The following ABCB11 variants were observed in gnomAD, a reference collection of about 807,000 sequenced individuals.
ABCB11 encodes the protein bile salt export pump.
A neutral mutation model predicts 148.0 loss-of-function variants in ABCB11; 95 were observed. The ratio of observed to expected loss-of-function variants is 0.64; its 90% CI spans 0.54 to 0.76. The LOEUF is 0.76. Ranked by LOEUF, ABCB11 falls within the 30% of genes least tolerant of loss-of-function variation. The pLI is 0.00. For synonymous variants in ABCB11, 591 were observed against 555.4 expected, an observed-to-expected ratio of 1.06 and a Z score of -0.90; for missense variants, 1,523 against 1,617.8, an observed-to-expected ratio of 0.94 and a Z score of 1.01.
chr2:168,960,627 C>G (rs1030465072), intron 18 of ABCB11, among the ~76,000 whole-genome samples: 3 of 151,464 alleles, frequency 2.0e-5, no homozygotes, highest in African/African-American at 7.3e-5. Context: ...TCTTTGGTTC[C>G]TCTATACTAA....
Position 169,030,173 on chromosome 2 carries a change from T to A in ABCB11, c.-28+1052A>T, listed in dbSNP as rs149455775. ...ATTTTCCCCCTAAATAGCTTCTTAA[T>A]CCATTTTTAGGAGTCATCCCCTAAT... On this transcript the variant is annotated intron_variant, in intron 1 of 27. Transcript: ENST00000650372. Among the ~76,000 whole-genome samples, 237 of 152,294 alleles carry A rather than the reference T, an allele frequency of 1.6e-3. 5 individuals are homozygous for A. The East Asian group carries it at 0.04, about 26-fold the overall frequency.
At chr2:168,951,741 T>C (rs1310886351) in intron 19 of ABCB11, among the ~76,000 whole-genome samples, 1 of 151,620 alleles carries the variant, frequency 6.6e-6, no homozygotes, top group East Asian at 1.9e-4. Flanking sequence ...CCTTTTATTT[T>C]TTTTCTCTTG....
At position 168,958,141 on chromosome 2, in the gene ABCB11, G is replaced by A. The variant is rs765145609; in HGVS notation, c.2179-13C>T. 1.9e-6 allele frequency: 3 copies of A among 1,609,546 alleles called. No individual in the cohort carries two copies. Among genetic ancestry groups the A allele is most frequent in the East Asian group, 2.2e-5 (1 of 44,714 alleles). Reference sequence around the variant, plus strand: ...GAATGTCCTTGTCCTTGAGCAGAGAGAGGGTTATATTAATCATCTAAATGT... The same window carrying A: ...GAATGTCCTTGTCCTTGAGCAGAGAAAGGGTTATATTAATCATCTAAATGT... On this transcript the variant is annotated splice_polypyrimidine_tract_variant and intron_variant, in intron 18 of 27. Coordinates refer to ENST00000650372, the MANE Select transcript of ABCB11 (RefSeq NM_003742.4).
intron 10 of ABCB11, among the ~76,000 whole-genome samples, chr2:168,982,622 T>C (rs1420981625): frequency 6.6e-6 from 1 of 152,064 alleles, no homozygotes; most frequent in Non-Finnish European, 1.5e-5. Context: ...TATGCCCAAT[T>C]ACCATGCAGC....
At chr2:168,980,363 A>G (rs973683789) in intron 10 of ABCB11, among the ~76,000 whole-genome samples, 2 of 152,110 alleles carry the variant, frequency 1.3e-5, no homozygotes, top group African/African-American at 4.8e-5. Flanking sequence ...AGGGTTGCCA[A>G]AAACAATACA....
At chr2:168,955,770 G>C (rs1270796317) in intron 19 of ABCB11, among the ~76,000 whole-genome samples, 2 of 151,602 alleles carry the variant, frequency 1.3e-5, no homozygotes, top group African/African-American at 4.8e-5. Flanking sequence ...ATGAGACAAG[G>C]CAAGTCCCTT....
At chr2:169,015,660 AT>A (rs1695331030) in intron 3 of ABCB11, among the ~76,000 whole-genome samples, 1 of 152,004 alleles carries the variant, frequency 6.6e-6, no homozygotes, top group Admixed American at 6.6e-5. Flanking sequence ...AGTCTTTAAA[AT>A]TTCAACCCCA....
intron 10 of ABCB11, among the ~76,000 whole-genome samples, chr2:168,983,179 C>A (rs1694193368): frequency 6.6e-6 from 1 of 152,084 alleles, no homozygotes; most frequent in Admixed American, 6.6e-5. Context: ...CCCTCTGAAC[C>A]ATTATTATTG....
intron 9 of ABCB11, among the ~76,000 whole-genome samples, chr2:168,989,981 T>A (rs1054760385): frequency 5.9e-5 from 9 of 152,138 alleles, no homozygotes; most frequent in African/African-American, 9.7e-5. Context: ...GGTGAATGAT[T>A]CTTTTAATGT....
At chr2:168,919,936 G>A (rs114189440), downstream of ABCB11, among the ~76,000 whole-genome samples, 13,687 of 151,998 alleles carry the variant, frequency 0.09, 631 homozygotes, top group Admixed American at 0.12. Flanking sequence ...GCAGTGGCGC[G>A]ATGTTGGGTC....
chr2:168,928,878 G>T (rs1691440521), intron 25 of ABCB11, among the ~76,000 whole-genome samples: 1 of 152,032 alleles, frequency 6.6e-6, no homozygotes, highest in Non-Finnish European at 1.5e-5. Flanking sequence ...TAACAGAAGG[G>T]ATTATAAATT....
intron 10 of ABCB11, among the ~76,000 whole-genome samples, chr2:168,984,799 A>G (rs985661280): frequency 2.0e-5 from 3 of 152,144 alleles, no homozygotes; most frequent in Non-Finnish European, 2.9e-5. Context: ...TATAAAATAT[A>G]TAAGTATTAT....
At position 168,969,959 on chromosome 2, in the gene ABCB11, C is replaced by T. The variant is rs7576531; in HGVS notation, c.1809+86G>A. ...CATGTAGTATCAACTACTCCCATCC[C>T]TCCCACCCCACAAGGAGCTGCCTTT... On this transcript the variant is annotated intron_variant, in intron 15 of 27. Coordinates refer to ENST00000650372, the MANE Select transcript of ABCB11 (RefSeq NM_003742.4). 40,830 of 959,066 alleles carry T rather than the reference C, an allele frequency of 0.043. 4,057 individuals are homozygous for T. Among genetic ancestry groups the T allele is most frequent in the Non-Finnish European group, 0.051 (31,800 of 618,478 alleles). The allele number at this position is 959,066 out of a possible 1,614,324, so 59.4% of individuals were successfully genotyped here. A position where few individuals can be genotyped will look rare whatever the true frequency, so the allele number is the denominator to read the frequency against.
At chr2:169,011,086 A>G (rs1383704436) in intron 5 of ABCB11, among the ~76,000 whole-genome samples, 4 of 152,198 alleles carry the variant, frequency 2.6e-5, no homozygotes, top group African/African-American at 9.6e-5. Flanking sequence ...TATGATGCAA[A>G]TGTTGAAAGT....
chr2:168,942,789 A>G (rs999502859), intron 21 of ABCB11, among the ~76,000 whole-genome samples: 1 of 151,886 alleles, frequency 6.6e-6, no homozygotes, highest in African/African-American at 2.4e-5. Flanking sequence ...TAAAACAATA[A>G]GGTTTTAAAT....
At chr2:168,983,840 T>A (rs1694219315) in intron 10 of ABCB11, among the ~76,000 whole-genome samples, 1 of 152,156 alleles carries the variant, frequency 6.6e-6, no homozygotes, top group Non-Finnish European at 1.5e-5. Context: ...TAAAAAATTT[T>A]ACTTAAGAAT....
intron 5 of ABCB11, among the ~76,000 whole-genome samples, chr2:169,003,321 T>TGC (rs1470749228): frequency 7.2e-6 from 1 of 139,464 alleles, no homozygotes; most frequent in Non-Finnish European, 1.6e-5. Context: ...TATTCCATGG[T>TGC]GCGTGTGTGT....
chr2:169,007,370 G>T (rs77851982), intron 5 of ABCB11, among the ~76,000 whole-genome samples: 1 of 152,142 alleles, frequency 6.6e-6, no homozygotes, highest in Admixed American at 6.5e-5. Context: ...TAGACTAACC[G>T]TGAGTGTATT....
chr2:169,000,461 A>T (rs186356535), intron 5 of ABCB11, among the ~76,000 whole-genome samples: 1 of 152,224 alleles, frequency 6.6e-6, no homozygotes, highest in East Asian at 1.9e-4. Context: ...CATTTAAGAA[A>T]ATTTTTGTGT....
Sources: gnomAD v4.1 joint callset for allele counts (sites outside exome capture counted in the v4.1 genomes callset) on GRCh38, gnomAD v4.1.1 for gene constraint, MANE v1.5 for transcripts, NCBI Gene and HGNC (gene_info 2026-07-23, HGNC 2026-07-21) for gene names.